CNIH1: variants seen among roughly 807,000 people sequenced by gnomAD.
The protein encoded by CNIH1 is cornichon family member 1, also known as protein cornichon homolog 1.
A neutral mutation model predicts 20.2 loss-of-function variants in CNIH1; 12 were observed. The ratio of observed to expected loss-of-function variants is 0.59; its 90% CI spans 0.38 to 0.96. The LOEUF is 0.96. Ranked by LOEUF, CNIH1 falls within the 40% of genes least tolerant of loss-of-function variation. The pLI is 0.00. For synonymous variants in CNIH1, 69 were observed against 63.3 expected, an observed-to-expected ratio of 1.09 and a Z score of -0.43; for missense variants, 152 against 178.8, an observed-to-expected ratio of 0.85 and a Z score of 0.85.
chr14:54,434,347 G>A (rs2031010620), intron 2 of CNIH1, among the ~76,000 whole-genome samples: 1 of 151,922 alleles, frequency 6.6e-6, no homozygotes, highest in Admixed American at 6.6e-5. Flanking sequence ...TTTCCGTTAA[G>A]AAAAGCCAGG....
At chr14:54,437,939 T>G (rs532192963) in intron 1 of CNIH1, among the ~76,000 whole-genome samples, 1 of 151,646 alleles carries the variant, frequency 6.6e-6, no homozygotes, top group African/African-American at 2.4e-5. Flanking sequence ...TCTTTAAAAC[T>G]GACATTTAAT....
intron 1 of CNIH1, among the ~76,000 whole-genome samples, chr14:54,437,929 T>C (rs1424569210): frequency 1.3e-5 from 2 of 151,958 alleles, no homozygotes; most frequent in Non-Finnish European, 2.9e-5. Flanking sequence ...ACAAAACTTG[T>C]CTTTAAAACT....
intron 1 of CNIH1, among the ~76,000 whole-genome samples, chr14:54,440,628 A>G (rs888396465): frequency 2.6e-5 from 4 of 152,206 alleles, no homozygotes; most frequent in Non-Finnish European, 5.9e-5. Context: ...CGGTCAAAGT[A>G]TGATTTGGGG....
chr14:54,432,421 T>C (rs77705055), intron 2 of CNIH1, among the ~76,000 whole-genome samples: 2,403 of 152,338 alleles, frequency 0.016, 60 homozygotes, highest in African/African-American at 0.055. Context: ...CCAGAGCATA[T>C]AGCTTGCACT....
At chr14:54,435,628 A>C (rs2031039819) in intron 2 of CNIH1, among the ~76,000 whole-genome samples, 1 of 152,200 alleles carries the variant, frequency 6.6e-6, no homozygotes, top group African/African-American at 2.4e-5. Context: ...GAACAGAGCT[A>C]TCCACCTAAC....
At chr14:54,428,933 T>C (rs548969750) in intron 4 of CNIH1, among the ~76,000 whole-genome samples, 2 of 152,334 alleles carry the variant, frequency 1.3e-5, no homozygotes, top group South Asian at 4.1e-4. Context: ...AATATGAATA[T>C]GAATATAAGC....
intron 3 of CNIH1, among the ~76,000 whole-genome samples, chr14:54,431,812 T>C (rs1466842889): frequency 1.3e-5 from 2 of 152,156 alleles, no homozygotes; most frequent in African/African-American, 4.8e-5. Flanking sequence ...TGTATCTTGA[T>C]CTGGGTGGTA....
At chr14:54,427,960 G>T in intron 4 of CNIH1, 119 bp from the exon 5 acceptor site, 1 of 971,844 alleles carries the variant, frequency 1.0e-6, no homozygotes. Flanking sequence ...CAAGACTAAT[G>T]ACAAGTTCAC....
intron 4 of CNIH1, among the ~76,000 whole-genome samples, 163 bp from the exon 5 acceptor site, chr14:54,428,004 T>A (rs1276255722): frequency 6.6e-6 from 1 of 152,198 alleles, no homozygotes; most frequent in East Asian, 1.9e-4. Flanking sequence ...GACTTTTGCC[T>A]AACATATGAC....
chr14:54,433,253 T>C (rs573415529), intron 2 of CNIH1, among the ~76,000 whole-genome samples: 5 of 152,304 alleles, frequency 3.3e-5, no homozygotes, highest in South Asian at 2.1e-4. Flanking sequence ...TATGAATACT[T>C]ATCATCATCA....
chr14:54,430,806 G>C lies in CNIH1; in HGVS notation c.264-402C>G, dbSNP rs929379562. 2.0e-5 allele frequency among the ~76,000 whole-genome samples: 3 copies of C among 151,364 alleles called. No individual in the cohort carries two copies. In the East Asian group the frequency reaches 5.8e-4, roughly 29 times the overall value. On this transcript the variant is annotated intron_variant, in intron 3 of 4. Transcript: ENST00000216416. ...CTTCTCTTTCTCATTCTGAGTACTGGTTTTTTTTGGTTTTTTGTTTTGTTT... is the reference window on the plus strand; with the variant it reads ...CTTCTCTTTCTCATTCTGAGTACTGCTTTTTTTTGGTTTTTTGTTTTGTTT...
chr14:54,428,703 TATGAA>T (rs1163331346), intron 4 of CNIH1, among the ~76,000 whole-genome samples: 27 of 152,242 alleles, frequency 1.8e-4, no homozygotes, highest in African/African-American at 4.8e-5. Flanking sequence ...TATGGAAACT[TATGAA>T]ATGAAAATTA....
chr14:54,438,120 C>T (rs2031093122), intron 1 of CNIH1, among the ~76,000 whole-genome samples: 1 of 152,102 alleles, frequency 6.6e-6, no homozygotes, highest in Non-Finnish European at 1.5e-5. Context: ...GCTGGGACTA[C>T]AGGTGCATGC....
At chr14:54,438,793 G>A (rs757140067) in intron 1 of CNIH1, among the ~76,000 whole-genome samples, 5 of 152,202 alleles carry the variant, frequency 3.3e-5, no homozygotes, top group South Asian at 2.1e-4. Context: ...GTTGGAGGCG[G>A]GATCTAACGG....
At chr14:54,430,686 T>C (rs983930381) in intron 3 of CNIH1, among the ~76,000 whole-genome samples, 1 of 152,230 alleles carries the variant, frequency 6.6e-6, no homozygotes, top group African/African-American at 2.4e-5. Context: ...GTTTTGTTTT[T>C]ACTTATCTTG....
chr14:54,436,698 T>C (rs970422443), intron 1 of CNIH1: 1 of 537,390 alleles, frequency 1.9e-6, no homozygotes, highest in African/African-American at 1.9e-5. Context: ...TCAATGCCTC[T>C]GCTCAAGTTA....
chr14:54,436,001 G>A (rs886183470), intron 2 of CNIH1: 44 of 686,788 alleles, frequency 6.4e-5, no homozygotes, highest in African/African-American at 1.1e-4. Context: ...TGAACAAAAC[G>A]TTACAAATAC....
chr14:54,436,949 T>C (rs1171377825), intron 1 of CNIH1, among the ~76,000 whole-genome samples: 3 of 152,200 alleles, frequency 2.0e-5, no homozygotes, highest in Non-Finnish European at 4.4e-5. Context: ...CAGGTCTGTC[T>C]GCCCCTCTAC....
At chr14:54,436,304 A>G in intron 2 of CNIH1, 65 bp downstream of exon 2, 1 of 961,700 alleles carries the variant, frequency 1.0e-6, no homozygotes, top group South Asian at 1.4e-5. Context: ...CCATTTTCAA[A>G]TTACTTCAAG....
Sources: gnomAD v4.1 joint callset for allele counts (sites outside exome capture counted in the v4.1 genomes callset) on GRCh38, gnomAD v4.1.1 for gene constraint, MANE v1.5 for transcripts, NCBI Gene and HGNC (gene_info 2026-07-23, HGNC 2026-07-21) for gene names.